The following TACC2 variants were observed in gnomAD, a reference collection of about 807,000 sequenced individuals.
The protein encoded by TACC2 is transforming acidic coiled-coil containing protein 2.
A neutral mutation model predicts 227.3 loss-of-function variants in TACC2; 137 were observed. That is an observed-to-expected ratio of 0.60 (90% CI 0.52 to 0.69). The LOEUF (loss-of-function observed/expected upper bound fraction) is 0.69, where lower values mean the gene tolerates loss of function less well. TACC2 is among the 30% of genes least tolerant of loss of function. The pLI, the probability that TACC2 is intolerant of heterozygous loss-of-function variation, is 0.00. For missense variants in TACC2, 3,470 were observed against 3,694.4 expected (o/e 0.94, Z 1.57); for synonymous variants, 1,523 against 1,487.5 (o/e 1.02, Z -0.55).
intron 10 of TACC2, 138 bp from the exon 11 acceptor site, chr10:122,216,489 G>A: frequency 1.4e-6 from 1 of 738,572 alleles, no homozygotes; most frequent in Non-Finnish European, 2.2e-6. Flanking sequence ...TGGACCATTT[G>A]GAGCAGAGTC....
rs747926543 is a variant in TACC2 at position 122,086,944 on chromosome 10, G to C, written c.4444G>C (p.Ala1482Pro). The C allele has an allele frequency of 6.2e-7, 1 of 1,613,964 alleles. No individual in the cohort carries two copies. The highest frequency in any genetic ancestry group is 8.5e-7 in the Non-Finnish European group (1 of 1,180,054). Reference protein sequence around the residue: ...VEKKQQLAGEAEISHLALQDP... With the variant: ...VEKKQQLAGEPEISHLALQDP... ...GAAGAAGCAACAGTTGGCTGGAGAGGCTGAGATTTCCCATCTGGCTCTGCA... is the reference window on the plus strand; with the variant it reads ...GAAGAAGCAACAGTTGGCTGGAGAGCCTGAGATTTCCCATCTGGCTCTGCA... The change falls in exon 4 of 23, where the codon GCT becomes CCT. Residue 1482 changes from alanine (A) to proline (P), a missense_variant. This residue lies in a region of TACC2 where 1,924 missense variants were observed against 1,978.3 expected (regional missense o/e 0.97). Transcript: ENST00000369005.
At chr10:122,179,507 T>G (rs1490394420) in intron 7 of TACC2, among the ~76,000 whole-genome samples, 1 of 152,216 alleles carries the variant, frequency 6.6e-6, no homozygotes, top group African/African-American at 2.4e-5. Flanking sequence ...GATCTTTCCT[T>G]GATGCCCTTC....
At chr10:122,176,083 C>G (rs2093682417) in intron 7 of TACC2, among the ~76,000 whole-genome samples, 1 of 80,406 alleles carries the variant, frequency 1.2e-5, no homozygotes, top group African/African-American at 4.6e-5. Flanking sequence ...TTCTCTCTCT[C>G]TCTCTCTCTC....
At chr10:122,244,058 G>A (rs2096061146) in intron 19 of TACC2, among the ~76,000 whole-genome samples, 1 of 152,340 alleles carries the variant, frequency 6.6e-6, no homozygotes, top group Admixed American at 6.5e-5. Context: ...GCAGGTGACA[G>A]CAGTGAGGAC....
In TACC2 at chr10:122,073,152, TACAC is replaced by T. The variant is rs55672889; in HGVS notation, c.147-9484_147-9481del. Among the ~76,000 whole-genome samples, 3 of 92,524 alleles carry T rather than the reference TACAC, an allele frequency of 3.2e-5. No individual in the cohort carries two copies. The East Asian group carries it at 9.1e-4, about 28-fold the overall frequency. The allele number at this position is 92,524 out of a possible 152,430, so 60.7% of individuals were successfully genotyped here. On this transcript the variant is annotated intron_variant, in intron 3 of 22. Coordinates refer to ENST00000369005, the MANE Select transcript of TACC2 (RefSeq NM_206862.4). ...ATATATATATATATATATATATATA[TACAC>T]ACACACACACGCATACATGAGATGA...
At chr10:122,105,843 G>A (rs570444336) in intron 5 of TACC2, among the ~76,000 whole-genome samples, 4 of 150,628 alleles carry the variant, frequency 2.7e-5, no homozygotes, top group African/African-American at 7.3e-5. Context: ...GGTTGGTCTC[G>A]AACTCCTCAC....
intron 2 of TACC2, chr10:122,022,326 C>G (rs914878609): frequency 3.9e-6 from 1 of 257,262 alleles, no homozygotes; most frequent in Non-Finnish European, 7.4e-6. Context: ...ACTGCAGCCT[C>G]AAACACCTGG....
intron 7 of TACC2, among the ~76,000 whole-genome samples, chr10:122,177,195 GCCT>G (rs2093759674): frequency 6.6e-6 from 1 of 152,136 alleles, no homozygotes; most frequent in African/African-American, 2.4e-5. Flanking sequence ...GTATATTCTG[GCCT>G]CCTACAGTTG....
intron 3 of TACC2, among the ~76,000 whole-genome samples, chr10:122,077,784 G>T (rs539947923): frequency 6.6e-6 from 1 of 152,216 alleles, no homozygotes; most frequent in South Asian, 2.1e-4. Context: ...CTTGCTTTGC[G>T]TTACCGGCTC....
chr10:122,092,277 C>G (rs2080908629), intron 5 of TACC2, among the ~76,000 whole-genome samples: 1 of 152,144 alleles, frequency 6.6e-6, no homozygotes, highest in African/African-American at 2.4e-5. Flanking sequence ...CCAGAGTGAT[C>G]TGCTACAAGT....
rs754584500 is a variant in TACC2, at chr10:122,084,749, G to A, written c.2249G>A (p.Cys750Tyr). The A allele has an allele frequency of 3.1e-6, 5 of 1,613,676 alleles. No individual in the cohort carries two copies. The highest frequency in any genetic ancestry group is 1.7e-5 in the Admixed American group (1 of 60,036). The stretch of plus-strand genomic sequence containing the variant: ...TTGGAAATAAGGAAGATGGGCAGCT[G>A]TGATGGGGAGGGCTTGCTGACGTCC... ...STLEIRKMGS[C>Y]DGEGLLTSPD... The change falls in exon 4 of 23, where the codon TGT (cysteine) becomes TAT (tyrosine). Residue 750 changes from cysteine to tyrosine, a missense_variant. Cys to Tyr is a radical substitution (Grantham distance 194). Transcript: ENST00000369005.
intron 7 of TACC2, among the ~76,000 whole-genome samples, chr10:122,188,482 T>C (rs1204733412): frequency 6.6e-6 from 1 of 151,946 alleles, no homozygotes; most frequent in Non-Finnish European, 1.5e-5. Flanking sequence ...TAGAGATGGG[T>C]TTCACCATAT....
At chr10:122,104,382 C>A (rs1277300148) in intron 5 of TACC2, among the ~76,000 whole-genome samples, 1 of 148,634 alleles carries the variant, frequency 6.7e-6, no homozygotes, top group East Asian at 2.0e-4. Context: ...TTTTTTTTTT[C>A]TTTTGAGACG....
rs1173378555 is a variant in TACC2 at position 122,141,833 on chromosome 10, G to A, written c.5700-1739G>A. On this transcript the variant is annotated intron_variant, in intron 6 of 22. Coordinates refer to ENST00000369005, the MANE Select transcript of TACC2 (RefSeq NM_206862.4). This position sits in a 1 kb window ranked among gnomAD's most constrained non-coding sequence, Gnocchi z 4.3. ...TTGGTGGGATGTGTGTGGTGGAGGG[G>A]GGAGCACAGCAGTGTAATTTCTTGA... 1.3e-5 allele frequency among the ~76,000 whole-genome samples: 2 copies of A among 152,190 alleles called. No individual in the cohort carries two copies. The highest frequency in any genetic ancestry group is 2.4e-5 in the African/African-American group (1 of 41,504).
At position 122,087,469 on chromosome 10, in the gene TACC2, G is replaced by T; in HGVS notation, c.4969G>T (p.Gly1657Trp). 6.2e-7 allele frequency: 1 copy of T among 1,614,026 alleles called. No individual in the cohort carries two copies. The highest frequency in any genetic ancestry group is 8.5e-7 in the Non-Finnish European group (1 of 1,180,036). ...NSEPWTLDTL[G>W]GERRPGVTAG... ...TGAGCCCTGGACCCTTGACACGCTT[G>T]GGGGTGAAAGGAGACCCGGAGTCAC... is the stretch of plus-strand genomic sequence containing the variant. The change falls in exon 4 of 23, where the codon GGG becomes TGG. Residue 1657 changes from glycine to tryptophan, a missense_variant. Transcript: ENST00000369005.
At chr10:122,081,294 C>A (rs1031554896) in intron 3 of TACC2, among the ~76,000 whole-genome samples, 1 of 148,976 alleles carries the variant, frequency 6.7e-6, no homozygotes, top group Non-Finnish European at 1.5e-5. Context: ...CTGAGGCGGG[C>A]AGATCACGAG....
intron 3 of TACC2, among the ~76,000 whole-genome samples, chr10:122,077,361 G>A (rs890686422): frequency 2.0e-5 from 3 of 152,148 alleles, no homozygotes; most frequent in Non-Finnish European, 2.9e-5. Context: ...CACTCCAATA[G>A]GGAAAACAGT....
At position 122,033,516 on chromosome 10, in the gene TACC2, G is replaced by A. The variant is rs527676779; in HGVS notation, c.33+11502G>A. Among the ~76,000 whole-genome samples, 445 of 152,284 alleles carry A rather than the reference G, an allele frequency of 2.9e-3. 1 individual carries two copies. Among genetic ancestry groups the A allele is most frequent in the African/African-American group, 0.01 (428 of 41,546 alleles). ...TTCCTTTGTCTGCAAGTGAAGCTGG[G>A]AATGGGGTGGTGACCCTACCTTTGC... On this transcript the variant is annotated intron_variant, in intron 2 of 22. Transcript: ENST00000369005.
intron 2 of TACC2, among the ~76,000 whole-genome samples, chr10:122,030,008 G>A (rs1264734935): frequency 1.3e-5 from 2 of 151,954 alleles, no homozygotes; most frequent in Non-Finnish European, 2.9e-5. Flanking sequence ...TCAGAGATGG[G>A]GTGCCACTGG....
Sources: allele counts gnomAD v4.1 joint callset (sites outside exome capture counted in the v4.1 genomes callset), GRCh38; gene constraint gnomAD v4.1.1; regional missense constraint gnomAD v4.1.1; non-coding constraint Gnocchi (gnomAD v3.1); transcripts MANE v1.5; gene names NCBI Gene and HGNC (gene_info 2026-07-23, HGNC 2026-07-21).